ARK2N: variants seen among roughly 807,000 people sequenced by gnomAD.
ARK2N encodes the protein protein ARK2N.
chr18:46,228,382 ATATAT>A, the ARK2N span, among the ~76,000 whole-genome samples: 2,939 of 152,326 alleles, frequency 0.019, 71 homozygotes, highest in African/African-American at 0.06. Flanking sequence ...ACGATAATTA[ATATAT>A]TAAGCATGCT....
At chr18:46,257,160 CTTG>C in the ARK2N span, among the ~76,000 whole-genome samples, 2 of 151,912 alleles carry the variant, frequency 1.3e-5, no homozygotes, top group African/African-American at 4.8e-5. Flanking sequence ...CATATTCTAC[CTTG>C]TTGTTGGGTT....
chr18:46,205,985 C>T, the ARK2N span, among the ~76,000 whole-genome samples: 99 of 152,288 alleles, frequency 6.5e-4, no homozygotes, highest in African/African-American at 2.3e-3. Context: ...CCACCTCTGC[C>T]TCCCAAAGTG....
the ARK2N span, among the ~76,000 whole-genome samples, chr18:46,227,042 C>T: frequency 6.6e-6 from 1 of 152,146 alleles, no homozygotes; most frequent in East Asian, 1.9e-4. Context: ...CTCCTGACCT[C>T]AGGTGATCCA....
chr18:46,183,707 T>C, the ARK2N span, among the ~76,000 whole-genome samples: 1 of 152,166 alleles, frequency 6.6e-6, no homozygotes, highest in Non-Finnish European at 1.5e-5. Flanking sequence ...GTTTTTTATT[T>C]TAGTCCTAAT....
chr18:46,234,591 A>AT, the ARK2N span, among the ~76,000 whole-genome samples: 2 of 152,004 alleles, frequency 1.3e-5, no homozygotes, highest in Admixed American at 1.3e-4. Context: ...GAGTATTAAA[A>AT]TGCAAATTTC....
the ARK2N span, among the ~76,000 whole-genome samples, chr18:46,202,092 T>G: frequency 6.6e-6 from 1 of 152,184 alleles, no homozygotes; most frequent in Non-Finnish European, 1.5e-5. Flanking sequence ...TCTAGTTTTC[T>G]TAACTTTGCC....
At chr18:46,189,012 C>T in the ARK2N span, among the ~76,000 whole-genome samples, 3 of 152,114 alleles carry the variant, frequency 2.0e-5, no homozygotes, top group South Asian at 2.1e-4. Flanking sequence ...GTCAGGAGTT[C>T]GAGACCAGCC....
At chr18:46,239,654 T>C in the ARK2N span, among the ~76,000 whole-genome samples, 1 of 152,228 alleles carries the variant, frequency 6.6e-6, no homozygotes, top group Non-Finnish European at 1.5e-5. Flanking sequence ...GCATCAGTTT[T>C]TTCCTTTAAG....
At chr18:46,248,843 A>G in the ARK2N span, among the ~76,000 whole-genome samples, 1 of 152,180 alleles carries the variant, frequency 6.6e-6, no homozygotes, top group African/African-American at 2.4e-5. Context: ...TTGGCCTCCC[A>G]AAGTGGTGGG....
At chr18:46,203,017 C>G in the ARK2N span, among the ~76,000 whole-genome samples, 1 of 151,920 alleles carries the variant, frequency 6.6e-6, no homozygotes, top group African/African-American at 2.4e-5. Context: ...ATGAAAAAAA[C>G]AGAGACTCTC....
the ARK2N span, chr18:46,262,799 G>A: frequency 1.2e-5 from 11 of 887,818 alleles, no homozygotes; most frequent in East Asian, 1.0e-4. Context: ...GATATTGATT[G>A]TGGGTTTTAT....
chr18:46,212,198 A>C, the ARK2N span, among the ~76,000 whole-genome samples: 1 of 152,200 alleles, frequency 6.6e-6, no homozygotes, highest in African/African-American at 2.4e-5. Flanking sequence ...GTCTAGTGTT[A>C]TGGCCCCAGA....
At chr18:46,202,972 A>G in the ARK2N span, among the ~76,000 whole-genome samples, 1 of 152,130 alleles carries the variant, frequency 6.6e-6, no homozygotes, top group African/African-American at 2.4e-5. Context: ...TGCCTGAAAC[A>G]AACAAAAAAC....
chr18:46,254,846 CTTCTGAAACA>C, the ARK2N span, among the ~76,000 whole-genome samples: 1 of 152,186 alleles, frequency 6.6e-6, no homozygotes, highest in East Asian at 1.9e-4. Context: ...CAGCGATATT[CTTCTGAAACA>C]TTCTGGAACA....
At chr18:46,198,064 G>A in the ARK2N span, among the ~76,000 whole-genome samples, 3 of 152,064 alleles carry the variant, frequency 2.0e-5, no homozygotes, top group African/African-American at 7.2e-5. Context: ...CACTGTGGGA[G>A]GCTGAGGTGG....
At chr18:46,225,514 A>G in the ARK2N span, among the ~76,000 whole-genome samples, 3 of 152,104 alleles carry the variant, frequency 2.0e-5, no homozygotes, top group African/African-American at 7.2e-5. Context: ...GCTGGAGTGC[A>G]ATGGCGCGAT....
the ARK2N span, among the ~76,000 whole-genome samples, chr18:46,178,530 C>T: frequency 2.6e-5 from 4 of 152,130 alleles, no homozygotes; most frequent in South Asian, 2.1e-4. Flanking sequence ...AGGCTGGTCT[C>T]GAACTCCTGA....
chr18:46,249,423 G>A, the ARK2N span, among the ~76,000 whole-genome samples: 377 of 151,678 alleles, frequency 2.5e-3, 3 homozygotes, highest in African/African-American at 8.6e-3. Flanking sequence ...TAGTAGAGAC[G>A]CGGTTTCACT....
At chr18:46,176,679 G>A in the ARK2N span, among the ~76,000 whole-genome samples, 2 of 151,278 alleles carry the variant, frequency 1.3e-5, no homozygotes, top group Admixed American at 1.3e-4. Flanking sequence ...AGGCTGGAGT[G>A]CAATCTCCAC....
Sources: allele counts gnomAD v4.1 joint callset (sites outside exome capture counted in the v4.1 genomes callset), GRCh38; gene constraint gnomAD v4.1.1; transcripts MANE v1.5; gene names NCBI Gene and HGNC (gene_info 2026-07-23, HGNC 2026-07-21).